Variants in DMXL1 observed in about 807,000 individuals in gnomAD.
DMXL1 encodes dmX-like protein 1.
DMXL1 carries 99 observed loss-of-function variants against 319.2 expected under a neutral mutation model. The ratio of observed to expected loss-of-function variants is 0.31; its 90% CI spans 0.26 to 0.37. The LOEUF is 0.37. Ranked by LOEUF, DMXL1 falls within the 10% of genes least tolerant of loss-of-function variation. The pLI is 1.00. For missense variants in DMXL1, 3,745 were observed against 3,595.6 expected, an observed-to-expected ratio of 1.04 and a Z score of -1.06; for synonymous variants, 1,385 against 1,235.2, an observed-to-expected ratio of 1.12 and a Z score of -2.54.
At chr5:119,083,780 C>G (rs556678079) in intron 1 of DMXL1, among the ~76,000 whole-genome samples, 2 of 152,062 alleles carry the variant, frequency 1.3e-5, no homozygotes, top group Non-Finnish European at 2.9e-5. Flanking sequence ...TCAGGTGATC[C>G]GCCTGCCTTG....
intron 9 of DMXL1, among the ~76,000 whole-genome samples, chr5:119,121,683 C>T (rs372792336): frequency 4.6e-5 from 7 of 152,316 alleles, no homozygotes; most frequent in East Asian, 1.9e-4. Flanking sequence ...GTCTACTTCT[C>T]TCTACACAGA....
At chr5:119,192,554 C>T (rs1159189180) in intron 29 of DMXL1, among the ~76,000 whole-genome samples, 1 of 152,184 alleles carries the variant, frequency 6.6e-6, no homozygotes, top group Admixed American at 6.5e-5. Context: ...CCCAGTTACA[C>T]CCGTTAAAAC....
At chr5:119,082,298 G>A (rs902680910) in intron 1 of DMXL1, among the ~76,000 whole-genome samples, 10 of 151,302 alleles carry the variant, frequency 6.6e-5, no homozygotes, top group Middle Eastern at 3.4e-3. Context: ...TTTAGAGACA[G>A]GGTCTCACTC....
chr5:119,212,116 A>G (rs1194791946), intron 34 of DMXL1, among the ~76,000 whole-genome samples: 4 of 152,118 alleles, frequency 2.6e-5, no homozygotes, highest in Non-Finnish European at 5.9e-5. Flanking sequence ...CCATAAGTAC[A>G]TTTACACTGC....
chr5:119,233,522 T>C, intron 39 of DMXL1, 55 bp downstream of exon 39: 3 of 1,503,984 alleles, frequency 2.0e-6, no homozygotes, highest in Non-Finnish European at 2.7e-6. Context: ...GGTTTATAAA[T>C]TCCACTAGTT....
chr5:119,167,495 T>G, intron 22 of DMXL1, 108 bp from the exon 23 acceptor site: 1 of 880,000 alleles, frequency 1.1e-6, no homozygotes, highest in South Asian at 1.7e-5. Context: ...TTGCTAATTT[T>G]GGATATTTAT....
rs557797054 is a variant in DMXL1, at chr5:119,072,995, T to C, written c.87+1339T>C. ...CCTAGTGGGAAATTATAGGATAATA[T>C]TGTTGCATTCTCTGTCATTTCCTAA... On this transcript the variant is annotated intron_variant, in intron 1 of 43. Transcript: ENST00000539542. 7.2e-5 allele frequency among the ~76,000 whole-genome samples: 11 copies of C among 152,294 alleles called. No homozygotes were observed. The South Asian group carries it at 2.1e-3, about 29-fold the overall frequency.
intron 13 of DMXL1, among the ~76,000 whole-genome samples, chr5:119,141,886 A>C (rs4895186): frequency 2.6e-5 from 4 of 152,212 alleles, no homozygotes; most frequent in Admixed American, 1.3e-4. Context: ...TACAGTAGCC[A>C]AAACAGCATA....
chr5:119,151,838 G>T, intron 18 of DMXL1, 91 bp from the exon 19 acceptor site: 8 of 639,812 alleles, frequency 1.3e-5, no homozygotes, highest in South Asian at 7.5e-5. Flanking sequence ...TTTTTTCTTG[G>T]TCAGGTTAAG....
intron 8 of DMXL1, among the ~76,000 whole-genome samples, chr5:119,119,747 G>A (rs2149933553): frequency 6.6e-6 from 1 of 152,218 alleles, no homozygotes; most frequent in East Asian, 1.9e-4. Context: ...TTGACCTCAA[G>A]TGATCTACCT....
intron 26 of DMXL1, 147 bp from the exon 27 acceptor site, chr5:119,177,210 A>G (rs997360841): frequency 1.0e-5 from 4 of 394,016 alleles, no homozygotes; most frequent in Non-Finnish European, 1.8e-5. Context: ...CTTTGTTTTT[A>G]TATAGCACTA....
chr5:119,144,805 C>G (rs565088440), intron 15 of DMXL1, among the ~76,000 whole-genome samples, 167 bp downstream of exon 15: 1 of 151,560 alleles, frequency 6.6e-6, no homozygotes, highest in South Asian at 2.1e-4. Flanking sequence ...TATTCTTAAC[C>G]AGGTAATAAA....
chr5:119,071,576 C>G lies in DMXL1; in HGVS notation c.7C>G (p.Leu3Val). 1 of 1,605,274 alleles carries G rather than the reference C, an allele frequency of 6.2e-7. No homozygotes were observed. Reference sequence around the variant, plus strand: ...GCAGGACTAGGGCGCCGACATGAACCTGCACCAGGTGCTGACCGGGGCTGT... The same window carrying G: ...GCAGGACTAGGGCGCCGACATGAACGTGCACCAGGTGCTGACCGGGGCTGT... MN[L>V]HQVLTGAVNP... is the part of the protein sequence containing the mutation. The change falls in exon 1 of 44, where the codon CTG (leucine) becomes GTG (valine). Residue 3 changes from leucine to valine, a missense_variant. Physicochemically the swap from Leu to Val is conservative, Grantham distance 32. Transcript: ENST00000539542.
intron 13 of DMXL1, among the ~76,000 whole-genome samples, chr5:119,140,881 C>G (rs1302806706): frequency 6.6e-6 from 1 of 152,098 alleles, no homozygotes; most frequent in African/African-American, 2.4e-5. Flanking sequence ...AAGCCAAATC[C>G]AGCAGCACAT....
chr5:119,110,052 A>T, intron 4 of DMXL1, 99 bp from the exon 5 acceptor site: 2 of 1,160,806 alleles, frequency 1.7e-6, no homozygotes, highest in East Asian at 5.7e-5. Flanking sequence ...TTGATATTTG[A>T]CTTTTTTTTA....
intron 21 of DMXL1, among the ~76,000 whole-genome samples, chr5:119,166,018 A>G (rs552566022): frequency 1.1e-4 from 16 of 152,246 alleles, no homozygotes; most frequent in African/African-American, 2.6e-4. Context: ...CCACAAAACT[A>G]TCTCCTTCCT....
At chr5:119,246,336 C>T (rs79203574) in intron 43 of DMXL1, among the ~76,000 whole-genome samples, 96 of 152,276 alleles carry the variant, frequency 6.3e-4, no homozygotes, top group African/African-American at 2.3e-3. Flanking sequence ...TACACCTATA[C>T]GGCAAAAGCT....
intron 1 of DMXL1, among the ~76,000 whole-genome samples, chr5:119,075,988 C>CT (rs960467594): frequency 3.3e-5 from 5 of 151,736 alleles, no homozygotes; most frequent in South Asian, 4.2e-4. Flanking sequence ...TGATATGATA[C>CT]TTTTTTTTTC....
At chr5:119,200,631 A>G (rs1780527795) in intron 32 of DMXL1, among the ~76,000 whole-genome samples, 1 of 152,170 alleles carries the variant, frequency 6.6e-6, no homozygotes, top group Non-Finnish European at 1.5e-5. Context: ...TTTGTTAGGA[A>G]TAGCATTGAA....
Sources: gnomAD v4.1 joint callset for allele counts (sites outside exome capture counted in the v4.1 genomes callset) on GRCh38, gnomAD v4.1.1 for gene constraint, MANE v1.5 for transcripts, NCBI Gene and HGNC (gene_info 2026-07-23, HGNC 2026-07-21) for gene names.